LNP1: variants seen among roughly 807,000 people sequenced by gnomAD.
LNP1 encodes the protein leukemia NUP98 fusion partner 1.
Under a neutral mutation model 14.5 loss-of-function variants are expected in LNP1, and 12 were observed. The observed-to-expected ratio is 0.83, with a 90% CI of 0.53 to 1.34. The LOEUF is 1.34. LNP1 is among the 40% of genes most tolerant of loss of function. The pLI is 0.00. For synonymous variants in LNP1, 75 were observed against 71.4 expected (o/e 1.05, Z -0.26); for missense variants, 198 against 210.9 (o/e 0.94, Z 0.38).
At chr3:100,447,640 TTACA>T (rs1707400835) in intron 2 of LNP1, among the ~76,000 whole-genome samples, 1 of 152,138 alleles carries the variant, frequency 6.6e-6, no homozygotes, top group South Asian at 2.1e-4. Context: ...TTATTATGAC[TTACA>T]CAGACCTTTC....
chr3:100,434,727 C>A lies in LNP1; in HGVS notation c.156+4842C>A, dbSNP rs560703897. Among the ~76,000 whole-genome samples the A allele has an allele frequency of 2.0e-5, 3 of 151,872 alleles. No individual in the cohort carries two copies. The South Asian group carries it at 6.2e-4, about 32-fold the overall frequency. ...TATTTTTAGTAGAGATGGAATTTCA[C>A]CATGTTAGCCTGGCTGGTCTTGAAC... On this transcript the variant is annotated intron_variant, in intron 2 of 3. Transcript: ENST00000383693.
chr3:100,408,291 G>C (rs1559838861), intron 1 of LNP1, among the ~76,000 whole-genome samples: 1 of 152,218 alleles, frequency 6.6e-6, no homozygotes, highest in Non-Finnish European at 1.5e-5. Flanking sequence ...TGGTCTCCGA[G>C]CCTGTGACCA....
intron 1 of LNP1, among the ~76,000 whole-genome samples, chr3:100,420,509 G>T (rs1463896994): frequency 1.3e-5 from 2 of 151,590 alleles, no homozygotes; most frequent in African/African-American, 2.4e-5. Flanking sequence ...TAGAGACAGG[G>T]TCTCCCTATG....
rs1369886718 is a variant in LNP1 at position 100,440,134 on chromosome 3, G to GTC, written c.156+10255_156+10256dup. On this transcript the variant is annotated intron_variant, in intron 2 of 3. Coordinates refer to ENST00000383693, the MANE Select transcript of LNP1 (RefSeq NM_001085451.2). ...TCTTCTGACAGTGAGCAACTCTGTT[G>GTC]TCTCTCTACCTGTTCAAATTTCCTC... Among the ~76,000 whole-genome samples, 3 of 152,140 alleles carry GTC rather than the reference G, an allele frequency of 2.0e-5. No individual in the cohort carries two copies. The East Asian group carries it at 5.8e-4, about 29-fold the overall frequency.
intron 1 of LNP1, among the ~76,000 whole-genome samples, chr3:100,416,233 G>A (rs1018916610): frequency 1.8e-4 from 28 of 151,998 alleles, no homozygotes; most frequent in Admixed American, 1.7e-3. Flanking sequence ...TTTTATAAGG[G>A]GAAATTGAAA....
chr3:100,421,722 A>G (rs1300992642), intron 1 of LNP1, among the ~76,000 whole-genome samples: 1 of 152,176 alleles, frequency 6.6e-6, no homozygotes, highest in African/African-American at 2.4e-5. Context: ...TCTGGGTCAA[A>G]GGATGCAAAT....
chr3:100,441,031 C>T (rs912699338), intron 2 of LNP1, among the ~76,000 whole-genome samples: 1 of 151,750 alleles, frequency 6.6e-6, no homozygotes, highest in African/African-American at 2.4e-5. Flanking sequence ...CAGGTGAGCT[C>T]GAGAAAGAGA....
intron 1 of LNP1, among the ~76,000 whole-genome samples, chr3:100,418,019 T>G (rs1707103273): frequency 1.3e-5 from 2 of 151,922 alleles, no homozygotes; most frequent in African/African-American, 4.8e-5. Context: ...ATCATTTGTA[T>G]GTTATTCTAA....
At chr3:100,423,040 C>T (rs961651031) in intron 1 of LNP1, among the ~76,000 whole-genome samples, 2 of 151,930 alleles carry the variant, frequency 1.3e-5, no homozygotes, top group Admixed American at 6.6e-5. Flanking sequence ...TACTATGACA[C>T]GTTGCCACTA....
At chr3:100,438,798 C>T (rs1707315808) in intron 2 of LNP1, among the ~76,000 whole-genome samples, 1 of 152,138 alleles carries the variant, frequency 6.6e-6, no homozygotes, top group African/African-American at 2.4e-5. Context: ...AGCCCAGGAG[C>T]CCAGGGTGAG....
At chr3:100,420,350 C>A (rs1467523615) in intron 1 of LNP1, among the ~76,000 whole-genome samples, 1 of 152,126 alleles carries the variant, frequency 6.6e-6, no homozygotes, top group African/African-American at 2.4e-5. Context: ...TCTTTACTGT[C>A]ACTCATGGTG....
chr3:100,428,874 T>C (rs994755410), intron 1 of LNP1, among the ~76,000 whole-genome samples: 1 of 152,226 alleles, frequency 6.6e-6, no homozygotes, highest in Non-Finnish European at 1.5e-5. Context: ...GCATACTGTA[T>C]AATGCCATTG....
intron 1 of LNP1, among the ~76,000 whole-genome samples, chr3:100,415,270 A>G (rs1707071517): frequency 6.6e-6 from 1 of 152,184 alleles, no homozygotes; most frequent in Non-Finnish European, 1.5e-5. Context: ...TACAGAATAC[A>G]TGTAGAACTC....
chr3:100,403,601 T>A (rs1706934108), intron 1 of LNP1, among the ~76,000 whole-genome samples: 1 of 152,122 alleles, frequency 6.6e-6, no homozygotes, highest in Non-Finnish European at 1.5e-5. Flanking sequence ...GTAGCTGGGA[T>A]TATAGGCGGC....
intron 1 of LNP1, among the ~76,000 whole-genome samples, chr3:100,413,362 T>A (rs1196143009): frequency 6.6e-6 from 1 of 152,238 alleles, no homozygotes; most frequent in East Asian, 1.9e-4. Flanking sequence ...TCAGGGGGAA[T>A]GTCACTTTAT....
Position 100,456,083 on chromosome 3 carries a change from A to G in LNP1, c.*157A>G. 1 of 661,944 alleles carries G rather than the reference A, an allele frequency of 1.5e-6. No individual in the cohort carries two copies. The highest frequency in any genetic ancestry group is 3.1e-5 in the Admixed American group (1 of 32,344). The allele number at this position is 661,944 out of a possible 1,614,324, so 41.0% of individuals were successfully genotyped here. On this transcript the variant is annotated 3_prime_UTR_variant, in exon 4 of 4. Coordinates refer to ENST00000383693, the MANE Select transcript of LNP1 (RefSeq NM_001085451.2). Reference sequence around the variant, plus strand: ...GCTGACTGACTGCAGTGGGCAGGGTATGTAGCTGCTCCAAGATGACTTGCA... The same window carrying G: ...GCTGACTGACTGCAGTGGGCAGGGTGTGTAGCTGCTCCAAGATGACTTGCA...
intron 2 of LNP1, among the ~76,000 whole-genome samples, chr3:100,444,999 G>A (rs1048796403): frequency 2.0e-4 from 31 of 152,148 alleles, no homozygotes; most frequent in African/African-American, 6.3e-4. Context: ...CTGGCTAGGT[G>A]CAGTGGCTCA....
chr3:100,417,588 A>C (rs1281857426), intron 1 of LNP1, among the ~76,000 whole-genome samples: 1 of 151,818 alleles, frequency 6.6e-6, no homozygotes, highest in East Asian at 1.9e-4. Flanking sequence ...CATGTTGGTC[A>C]GGCCGGTCTT....
At chr3:100,409,557 T>TACAC (rs35651277) in intron 1 of LNP1, among the ~76,000 whole-genome samples, 2,069 of 126,322 alleles carry the variant, frequency 0.016, 15 homozygotes, top group Non-Finnish European at 0.021. Flanking sequence ...TATATATACA[T>TACAC]ACACACACAC....
Sources: allele counts gnomAD v4.1 joint callset (sites outside exome capture counted in the v4.1 genomes callset), GRCh38; gene constraint gnomAD v4.1.1; transcripts MANE v1.5; gene names NCBI Gene and HGNC (gene_info 2026-07-23, HGNC 2026-07-21).